SLC6A4: variants seen among roughly 807,000 people sequenced by gnomAD.
The protein encoded by SLC6A4 is sodium-dependent serotonin transporter.
In SLC6A4, 22 loss-of-function variants were observed where a neutral mutation model predicts 73.4. The ratio of observed to expected loss-of-function variants is 0.30; its 90% CI spans 0.21 to 0.43. The LOEUF (loss-of-function observed/expected upper bound fraction) is 0.43, where lower values mean the gene tolerates loss of function less well. Among genes scored for constraint, SLC6A4 ranks in the 20% least tolerant of loss-of-function variants. The probability of loss-of-function intolerance (pLI) is 1.00; values close to 1 mark genes in which losing one functional copy is unlikely to be tolerated. For missense variants in SLC6A4, 593 were observed against 808.5 expected (o/e 0.73, Z 3.23); for synonymous variants, 270 against 315.5 (o/e 0.86, Z 1.53).
chr17:30,222,948 G>T, intron 1 of SLC6A4, 33 bp from the exon 2 acceptor site: 2 of 804,068 alleles, frequency 2.5e-6, no homozygotes, highest in Non-Finnish European at 3.7e-6. Flanking sequence ...TACTGATGCT[G>T]GGGTGGTTGG....
At chr17:30,205,018 C>A (rs759993752) in intron 13 of SLC6A4, among the ~76,000 whole-genome samples, 1 of 151,982 alleles carries the variant, frequency 6.6e-6, no homozygotes, top group African/African-American at 2.4e-5. Context: ...GAGCCAAAAT[C>A]AAAATAAATA....
chr17:30,200,389 TG>T (rs1168269587), intron 14 of SLC6A4, among the ~76,000 whole-genome samples: 2 of 152,246 alleles, frequency 1.3e-5, no homozygotes, highest in African/African-American at 4.8e-5. Flanking sequence ...TTCATAAACG[TG>T]TACTCATTAG....
At chr17:30,203,601 A>G (rs1377159552) in intron 13 of SLC6A4, 7 of 444,632 alleles carry the variant, frequency 1.6e-5, no homozygotes, top group African/African-American at 3.9e-5. Flanking sequence ...GCAGCCCTAC[A>G]GCTGCCCCTA....
At chr17:30,231,555 CAT>C in intron 1 of SLC6A4, among the ~76,000 whole-genome samples, 1 of 151,694 alleles carries the variant, frequency 6.6e-6, no homozygotes, top group African/African-American at 2.4e-5. Context: ...ATATATTACA[CAT>C]AATATATCAA....
At chr17:30,209,724 A>T (rs1033377829) in intron 11 of SLC6A4, among the ~76,000 whole-genome samples, 4 of 151,430 alleles carry the variant, frequency 2.6e-5, no homozygotes, top group Non-Finnish European at 4.4e-5. Context: ...GGTTTTACCC[A>T]CTCAGACGCC....
At chr17:30,228,940 G>C (rs1302984400) in intron 1 of SLC6A4, among the ~76,000 whole-genome samples, 2 of 152,242 alleles carry the variant, frequency 1.3e-5, no homozygotes, top group Non-Finnish European at 2.9e-5. Flanking sequence ...TCTCAGCATG[G>C]AGGGCTTGTT....
chr17:30,199,160 G>A (rs1677895655), intron 14 of SLC6A4, among the ~76,000 whole-genome samples: 2 of 152,150 alleles, frequency 1.3e-5, no homozygotes, highest in African/African-American at 4.8e-5. Context: ...ACTCATCACA[G>A]AGAAGTGGCT....
intron 5 of SLC6A4, 77 bp from the exon 6 acceptor site, chr17:30,217,381 A>G: frequency 1.4e-6 from 2 of 1,449,620 alleles, no homozygotes. Context: ...TGCTCCTTTG[A>G]GGGTGCCCGG....
chr17:30,218,863 C>A lies in SLC6A4; in HGVS notation c.412G>T (p.Ala138Ser). The A allele has an allele frequency of 1.2e-6, 2 of 1,613,922 alleles. No individual in the cohort carries two copies. The highest frequency in any genetic ancestry group is 1.6e-4 in the Middle Eastern group (1 of 6,062). The change falls in exon 4 of 15, where the codon GCA (alanine) becomes TCA (serine). Residue 138 changes from alanine (A) to serine (S), a missense_variant. Physicochemically the swap from Ala to Ser is moderately conservative, Grantham distance 99 (BLOSUM62 1). Coordinates refer to ENST00000650711, the MANE Select transcript of SLC6A4 (RefSeq NM_001045.6). The stretch of plus-strand genomic sequence containing the variant: ...CCATTTCGGTGGTACTGTCCCAGTG[C>A]GAGCTCCATGTAAAAGAGCGGGATT... ...GGIPLFYMEL[A>S]LGQYHRNGCI...
At position 30,218,969 on chromosome 17, in the gene SLC6A4, G is replaced by A. The variant is rs774413709; in HGVS notation, c.344-38C>T. On this transcript the variant is annotated intron_variant, in intron 3 of 14. Transcript: ENST00000650711. ...AAAGACAATTTCACTCCCTGCCCACGTCTGTCCCAGGATAGCCCAACCAAT... is the reference window on the plus strand; with the variant it reads ...AAAGACAATTTCACTCCCTGCCCACATCTGTCCCAGGATAGCCCAACCAAT... The A allele has an allele frequency of 1.7e-5, 27 of 1,611,840 alleles. 1 individual carries two copies. Among genetic ancestry groups the A allele is most frequent in the Admixed American group, 1.0e-4 (6 of 59,994 alleles).
chr17:30,221,557 C>T, intron 3 of SLC6A4, 59 bp downstream of exon 3: 1 of 1,486,486 alleles, frequency 6.7e-7, no homozygotes, highest in East Asian at 2.3e-5. Flanking sequence ...GGTCACAGCC[C>T]ACTCCGGGTC....
chr17:30,225,987 G>A (rs1049109891), intron 1 of SLC6A4, among the ~76,000 whole-genome samples: 5 of 152,120 alleles, frequency 3.3e-5, no homozygotes, highest in Non-Finnish European at 5.9e-5. Flanking sequence ...TAATTATCCC[G>A]ATTGGTCATA....
Position 30,203,264 on chromosome 17 carries a change from T to C in SLC6A4, c.1726A>G (p.Ile576Val), listed in dbSNP as rs199832478. Residue 576 changes from isoleucine to valine, a missense_variant, in exon 14 of 15, where the codon ATC becomes GTC. Ile to Val is a conservative substitution (Grantham distance 29). Coordinates refer to ENST00000650711, the MANE Select transcript of SLC6A4 (RefSeq NM_001045.6). ...FQYNYPYWSIILGYCIGTSSF... is the reference protein window; with the variant it reads ...FQYNYPYWSIVLGYCIGTSSF... The stretch of plus-strand genomic sequence containing the variant: ...GAGGTTCCTATGCAGTAACCCAAGA[T>C]GATACTCCAGTAAGGATAATTATAT... 48 of 1,613,720 alleles carry C rather than the reference T, an allele frequency of 3.0e-5. No homozygotes were observed. Among genetic ancestry groups the C allele is most frequent in the Non-Finnish European group, 3.8e-5 (45 of 1,179,596 alleles).
chr17:30,212,288 T>C (rs944651533), intron 9 of SLC6A4, among the ~76,000 whole-genome samples: 2 of 152,336 alleles, frequency 1.3e-5, no homozygotes, highest in African/African-American at 2.4e-5. Flanking sequence ...CCCATAGATT[T>C]TGGAGGCCCC....
intron 1 of SLC6A4, among the ~76,000 whole-genome samples, chr17:30,234,057 T>C (rs1003754580): frequency 6.6e-6 from 1 of 152,042 alleles, no homozygotes; most frequent in East Asian, 1.9e-4. Context: ...CCTCACCTAT[T>C]TGCGAAACTC....
At chr17:30,215,478 C>A in intron 8 of SLC6A4, 133 bp downstream of exon 8, 1 of 737,606 alleles carries the variant, frequency 1.4e-6, no homozygotes. Flanking sequence ...GCCTGCAGCA[C>A]CCCTGAGGGG....
intron 8 of SLC6A4, among the ~76,000 whole-genome samples, chr17:30,213,784 T>C (rs1216395088): frequency 6.6e-6 from 1 of 152,088 alleles, no homozygotes; most frequent in Non-Finnish European, 1.5e-5. Flanking sequence ...TCTCCCTCTG[T>C]TGCACAGGCT....
At chr17:30,215,002 T>TTCTTTCTTCTTTC (rs1555588703) in intron 8 of SLC6A4, among the ~76,000 whole-genome samples, 69 of 142,394 alleles carry the variant, frequency 4.8e-4, no homozygotes, top group African/African-American at 1.4e-3. Context: ...CTTCCTTCCT[T>TTCTTTCTTCTTTC]TCTTTCTTTC....
At chr17:30,232,473 G>A (rs1907142147) in intron 1 of SLC6A4, among the ~76,000 whole-genome samples, 1 of 152,196 alleles carries the variant, frequency 6.6e-6, no homozygotes, top group Admixed American at 6.5e-5. Flanking sequence ...CCACATCACT[G>A]GGTTGCGTCT....
Sources: gnomAD v4.1 joint callset for allele counts (sites outside exome capture counted in the v4.1 genomes callset) on GRCh38, gnomAD v4.1.1 for gene constraint, MANE v1.5 for transcripts, NCBI Gene and HGNC (gene_info 2026-07-23, HGNC 2026-07-21) for gene names.